NRSN1: variants seen among roughly 807,000 people sequenced by gnomAD.
The protein encoded by NRSN1 is neurensin-1.
Under a neutral mutation model 17.3 loss-of-function variants are expected in NRSN1, and 14 were observed. The observed-to-expected ratio is 0.81, with a 90% CI of 0.54 to 1.27. NRSN1 has a LOEUF of 1.27. Among genes scored for constraint, NRSN1 ranks in the 50% most tolerant of loss-of-function variants. NRSN1 has a pLI of 0.00. For missense variants in NRSN1, 209 were observed against 235.9 expected, an observed-to-expected ratio of 0.89 and a Z score of 0.75; for synonymous variants, 79 against 94.2, an observed-to-expected ratio of 0.84 and a Z score of 0.93.
chr6:24,130,091 A>T (rs1760005789), intron 2 of NRSN1, among the ~76,000 whole-genome samples: 1 of 152,240 alleles, frequency 6.6e-6, no homozygotes, highest in African/African-American at 2.4e-5. Flanking sequence ...GTGATATTAA[A>T]GCTTTCTGTA....
In NRSN1 at chr6:24,146,034, T is replaced by C; in HGVS notation, c.*88T>C. The C allele has an allele frequency of 7.6e-7, 1 of 1,322,676 alleles. No individual in the cohort carries two copies. The highest frequency in any genetic ancestry group is 1.1e-6 in the Non-Finnish European group (1 of 931,640). The allele number at this position is 1,322,676 out of a possible 1,614,324, so 81.9% of individuals were successfully genotyped here. ...TTTTCGAGATAAAGAAGATTTGGCG[T>C]TGACTGCCCTAGGGCTGTGTTCAGC... is the stretch of plus-strand genomic sequence containing the variant. On this transcript the variant is annotated 3_prime_UTR_variant, in exon 4 of 4. Transcript: ENST00000378491.
intron 3 of NRSN1, among the ~76,000 whole-genome samples, chr6:24,144,488 C>T (rs901061132): frequency 2.0e-5 from 3 of 152,000 alleles, no homozygotes; most frequent in Admixed American, 6.6e-5. Context: ...AGGATGTGGG[C>T]TCTGGTTGGG....
At position 24,146,028 on chromosome 6, in the gene NRSN1, T is replaced by C. The variant is rs1186503812; in HGVS notation, c.*82T>C. The C allele has an allele frequency of 2.1e-6, 3 of 1,428,884 alleles. No homozygotes were observed. Among genetic ancestry groups the C allele is most frequent in the East Asian group, 2.3e-5 (1 of 43,922 alleles). The allele number at this position is 1,428,884 out of a possible 1,614,324, so 88.5% of individuals were successfully genotyped here. A position where few individuals can be genotyped will look rare whatever the true frequency, so the allele number is the denominator to read the frequency against. Reference sequence around the variant, plus strand: ...GGCCAGTTTTCGAGATAAAGAAGATTTGGCGTTGACTGCCCTAGGGCTGTG... The same window carrying C: ...GGCCAGTTTTCGAGATAAAGAAGATCTGGCGTTGACTGCCCTAGGGCTGTG... On this transcript the variant is annotated 3_prime_UTR_variant, in exon 4 of 4. Coordinates refer to ENST00000378491, the MANE Select transcript of NRSN1 (RefSeq NM_080723.5).
rs374814429 is a variant in NRSN1, at chr6:24,145,960, C to G, written c.*14C>G. On this transcript the variant is annotated 3_prime_UTR_variant, in exon 4 of 4. Transcript: ENST00000378491. The surrounding 1 kb of genome is among the most constrained non-coding windows in gnomAD (Gnocchi z 4.4). ...CTGGCAACCTGAAACCTTTCCCACC[C>G]CAGTTCTTCTTGTCTGATTTATGCC... The G allele has an allele frequency of 6.3e-7, 1 of 1,588,414 alleles. No homozygotes were observed. The highest frequency in any genetic ancestry group is 1.8e-5 in the Admixed American group (1 of 54,718).
chr6:24,134,361 C>T lies in NRSN1; in HGVS notation c.34C>T (p.Gln12Ter). 1.2e-6 allele frequency: 2 copies of T among 1,614,048 alleles called. No individual in the cohort carries two copies. Among genetic ancestry groups the T allele is most frequent in the Non-Finnish European group, 1.7e-6 (2 of 1,179,980 alleles). ...SSCSNVCGSR[Q>*]AQAAAEGGYQ... ...TTGCAGCAACGTCTGTGGGTCCAGGCAGGCACAGGCTGCAGCTGAGGGTGG... is the reference window on the plus strand; with the variant it reads ...TTGCAGCAACGTCTGTGGGTCCAGGTAGGCACAGGCTGCAGCTGAGGGTGG... Residue 12 changes from glutamine (Q) to a stop codon, truncating the protein, a stop_gained, in exon 3 of 4, where the codon CAG (glutamine) becomes TAG (stop). Coordinates refer to ENST00000378491, the MANE Select transcript of NRSN1 (RefSeq NM_080723.5). LOFTEE classifies it high-confidence loss of function.
rs1285831513 is a variant in NRSN1, at chr6:24,147,249, A to G, written c.*1303A>G. On this transcript the variant is annotated 3_prime_UTR_variant, in exon 4 of 4. Transcript: ENST00000378491. Reference sequence around the variant, plus strand: ...ACAAGATGCTTTGTTCTCCAACAAGATGTTCATCTCATCACTTGCACTTTT... The same window carrying G: ...ACAAGATGCTTTGTTCTCCAACAAGGTGTTCATCTCATCACTTGCACTTTT... 6.6e-6 allele frequency: 1 copy of G among 152,202 alleles called. No individual in the cohort carries two copies. The highest frequency in any genetic ancestry group is 2.4e-5 in the African/African-American group (1 of 41,454). The allele number at this position is 152,202 out of a possible 1,614,324, so 9.4% of individuals were successfully genotyped here.
intron 2 of NRSN1, among the ~76,000 whole-genome samples, chr6:24,130,439 G>T (rs1236062479): frequency 6.6e-6 from 1 of 152,174 alleles, no homozygotes; most frequent in Non-Finnish European, 1.5e-5. Context: ...TTCCCTAGGA[G>T]ATGTATAACT....
Position 24,145,513 on chromosome 6 carries a change from C to T in NRSN1, c.190-35C>T. On this transcript the variant is annotated intron_variant, in intron 3 of 3. Transcript: ENST00000378491. This position sits in a 1 kb window ranked among gnomAD's most constrained non-coding sequence, Gnocchi z 4.4. ...CAGGGGCGAGCCGAAGCACCTTCCT[C>T]ACTCTATCTTGCTTCTGTCATTATC... The T allele has an allele frequency of 6.6e-7, 1 of 1,516,058 alleles. No homozygotes were observed. Among genetic ancestry groups the T allele is most frequent in the Non-Finnish European group, 8.9e-7 (1 of 1,126,550 alleles). The allele number at this position is 1,516,058 out of a possible 1,614,324, so 93.9% of individuals were successfully genotyped here.
At chr6:24,137,610 C>T (rs4357122) in intron 3 of NRSN1, among the ~76,000 whole-genome samples, 31 of 151,930 alleles carry the variant, frequency 2.0e-4, no homozygotes, top group South Asian at 6.3e-4. Context: ...TATACATGTG[C>T]CATGTTGGTG....
chr6:24,131,124 A>G (rs1187829639), intron 2 of NRSN1, among the ~76,000 whole-genome samples: 1 of 152,214 alleles, frequency 6.6e-6, no homozygotes, highest in Non-Finnish European at 1.5e-5. Context: ...CTAAAAATCC[A>G]TGGCTTCAAG....
chr6:24,127,966 T>C (rs982686630), intron 1 of NRSN1, among the ~76,000 whole-genome samples, 162 bp from the exon 2 acceptor site: 2 of 152,236 alleles, frequency 1.3e-5, no homozygotes, highest in Non-Finnish European at 2.9e-5. Flanking sequence ...AAATACAGTT[T>C]AGACTTTTGT....
At chr6:24,135,916 ATCTTTGTT>A (rs1760112537) in intron 3 of NRSN1, among the ~76,000 whole-genome samples, 1 of 152,210 alleles carries the variant, frequency 6.6e-6, no homozygotes, top group Non-Finnish European at 1.5e-5. Flanking sequence ...GTCTTCCTTA[ATCTTTGTT>A]TCTCCCAAAA....
At chr6:24,128,787 A>T (rs1759989222) in intron 2 of NRSN1, 1 of 152,214 alleles carries the variant, frequency 6.6e-6, no homozygotes, top group African/African-American at 2.4e-5. Flanking sequence ...TTTATGGGAG[A>T]GAAAAGCAGC....
At chr6:24,133,046 C>CT (rs976594808) in intron 2 of NRSN1, among the ~76,000 whole-genome samples, 4 of 151,896 alleles carry the variant, frequency 2.6e-5, no homozygotes, top group African/African-American at 9.7e-5. Flanking sequence ...GTAATTCTTT[C>CT]TTTTTTTTAA....
intron 3 of NRSN1, chr6:24,141,078 C>A: frequency 7.0e-7 from 1 of 1,424,744 alleles, no homozygotes; most frequent in East Asian, 2.8e-5. Flanking sequence ...CCTAAGGCCC[C>A]AGGTTGCTCT....
intron 1 of NRSN1, among the ~76,000 whole-genome samples, chr6:24,126,633 G>A (rs909457698): frequency 6.6e-6 from 1 of 152,174 alleles, no homozygotes; most frequent in Non-Finnish European, 1.5e-5. Flanking sequence ...CACGAGGGGC[G>A]TACAGCTAAA....
chr6:24,128,280 T>C (rs895881285), intron 2 of NRSN1, 80 bp downstream of exon 2: 1 of 152,172 alleles, frequency 6.6e-6, no homozygotes, highest in African/African-American at 2.4e-5. Context: ...TAAAAGAGAA[T>C]ATGGGTTCTT....
chr6:24,139,501 G>C (rs1012286158), intron 3 of NRSN1, among the ~76,000 whole-genome samples: 1 of 152,214 alleles, frequency 6.6e-6, no homozygotes, highest in Non-Finnish European at 1.5e-5. Context: ...TTCACGAATG[G>C]GTGGATGGGA....
At chr6:24,126,425 C>T (rs1470441754) in intron 1 of NRSN1, 85 bp downstream of exon 1, 2 of 153,816 alleles carry the variant, frequency 1.3e-5, no homozygotes, top group Non-Finnish European at 2.9e-5. Context: ...CTCCCTTTCT[C>T]TCTTTCCTTC....
Sources: gnomAD v4.1 joint callset for allele counts (sites outside exome capture counted in the v4.1 genomes callset) on GRCh38, gnomAD v4.1.1 for gene constraint, Gnocchi (gnomAD v3.1) non-coding constraint, MANE v1.5 for transcripts, NCBI Gene and HGNC (gene_info 2026-07-23, HGNC 2026-07-21) for gene names.